The following VPS13D variants were observed in gnomAD, a reference collection of about 807,000 sequenced individuals.
The protein encoded by VPS13D is intermembrane lipid transfer protein VPS13D.
Under a neutral mutation model 461.9 loss-of-function variants are expected in VPS13D, and 187 were observed. That is an observed-to-expected ratio of 0.40 (90% CI 0.36 to 0.46). The LOEUF is 0.46. Ranked by LOEUF, VPS13D falls within the 20% of genes least tolerant of loss-of-function variation. The pLI, the probability that VPS13D is intolerant of heterozygous loss-of-function variation, is 0.60. For missense variants in VPS13D, 4,711 were observed against 5,364.9 expected (o/e 0.88, Z 3.81); for synonymous variants, 1,951 against 1,986.3 (o/e 0.98, Z 0.47).
At chr1:12,270,316 G>C (rs1641400193) in intron 16 of VPS13D, among the ~76,000 whole-genome samples, 1 of 151,788 alleles carries the variant, frequency 6.6e-6, no homozygotes, top group Non-Finnish European at 1.5e-5. Context: ...AATTAGCTGG[G>C]TGTGGTGGTG....
chr1:12,419,770 C>A (rs1644839793), intron 65 of VPS13D, among the ~76,000 whole-genome samples: 1 of 152,148 alleles, frequency 6.6e-6, no homozygotes, highest in Non-Finnish European at 1.5e-5. Flanking sequence ...GGGACAAACA[C>A]CATACTATAT....
chr1:12,255,581 T>A (rs1181234489), intron 7 of VPS13D, among the ~76,000 whole-genome samples: 1 of 151,642 alleles, frequency 6.6e-6, no homozygotes, highest in African/African-American at 2.4e-5. Flanking sequence ...TTTTAAACGA[T>A]GTGAGTGTAT....
At chr1:12,240,422 C>G (rs949348039) in intron 2 of VPS13D, among the ~76,000 whole-genome samples, 4 of 151,858 alleles carry the variant, frequency 2.6e-5, no homozygotes, top group Non-Finnish European at 5.9e-5. Context: ...TGGTGAAACC[C>G]TGTCTCTACT....
At position 12,369,651 on chromosome 1, in the gene VPS13D, A is replaced by G; in HGVS notation, c.10757A>G (p.Gln3586Arg). Residue 3586 changes from glutamine to arginine, a missense_variant, in exon 54 of 70, where the codon CAG (glutamine) becomes CGG (arginine). Coordinates refer to ENST00000620676, the MANE Select transcript of VPS13D (RefSeq NM_015378.4). Reference protein sequence around the residue: ...CNMNDFQDNRQLYYENFIYIA... With the variant: ...CNMNDFQDNRRLYYENFIYIA... The stretch of plus-strand genomic sequence containing the variant: ...ATGAATGATTTCCAGGATAATCGGC[A>G]GCTTTATTATGAAAATTTCATTTAC... The G allele has an allele frequency of 6.2e-7, 1 of 1,614,224 alleles. No homozygotes were observed. The highest frequency in any genetic ancestry group is 8.5e-7 in the Non-Finnish European group (1 of 1,180,040).
At chr1:12,419,002 T>G (rs1447127605) in intron 65 of VPS13D, among the ~76,000 whole-genome samples, 4 of 152,140 alleles carry the variant, frequency 2.6e-5, no homozygotes, top group Non-Finnish European at 1.5e-5. Flanking sequence ...TTATTCTCCT[T>G]GGTTTGTGGA....
intron 5 of VPS13D, among the ~76,000 whole-genome samples, chr1:12,246,870 T>C (rs1640567418): frequency 1.3e-5 from 2 of 152,228 alleles, no homozygotes; most frequent in Non-Finnish European, 2.9e-5. Context: ...ATTTTGTTTA[T>C]TCATTCATGA....
chr1:12,404,999 C>A (rs1371941727), intron 63 of VPS13D, among the ~76,000 whole-genome samples: 1 of 152,230 alleles, frequency 6.6e-6, no homozygotes, highest in Non-Finnish European at 1.5e-5. Flanking sequence ...CTCTAAGATG[C>A]TACAAGATAG....
At chr1:12,456,636 C>CAAAAAAAAAA (rs367987300) in intron 66 of VPS13D, among the ~76,000 whole-genome samples, 5 of 83,674 alleles carry the variant, frequency 6.0e-5, no homozygotes, top group African/African-American at 1.4e-4. Flanking sequence ...GACTCCAATT[C>CAAAAAAAAAA]AAAAAAAAAA....
At chr1:12,499,437 C>G (rs1395412552) in intron 68 of VPS13D, 1 of 985,082 alleles carries the variant, frequency 1.0e-6, no homozygotes, top group Non-Finnish European at 1.2e-6. Flanking sequence ...CACCTCTATT[C>G]AAGTCGAACT....
chr1:12,247,447 G>C (rs1377427350), intron 5 of VPS13D, among the ~76,000 whole-genome samples: 3 of 147,776 alleles, frequency 2.0e-5, no homozygotes, highest in African/African-American at 7.5e-5. Context: ...GAAATGGTGA[G>C]ATAGCATTCT....
At chr1:12,249,381 C>T (rs868298771) in intron 6 of VPS13D, 42 bp downstream of exon 6, 1 of 1,510,912 alleles carries the variant, frequency 6.6e-7, no homozygotes. Context: ...GAAAGCCATG[C>T]TCTAGGAATC....
At chr1:12,236,541 C>T (rs563672557) in intron 2 of VPS13D, among the ~76,000 whole-genome samples, 3 of 152,104 alleles carry the variant, frequency 2.0e-5, no homozygotes, top group South Asian at 2.1e-4. Flanking sequence ...CCACCACGCC[C>T]GGCTAATTTT....
chr1:12,491,684 T>C (rs1194965084), intron 67 of VPS13D, among the ~76,000 whole-genome samples: 1 of 152,208 alleles, frequency 6.6e-6, no homozygotes, highest in East Asian at 1.9e-4. Context: ...ATATCTGCAG[T>C]GTATCAGCCA....
At chr1:12,400,466 T>G (rs572362489) in intron 61 of VPS13D, 136 bp downstream of exon 61, 1 of 1,088,592 alleles carries the variant, frequency 9.2e-7, no homozygotes, top group African/African-American at 1.6e-5. Flanking sequence ...TGTGACATAA[T>G]AGATTGTTTG....
chr1:12,272,005 A>G (rs1026708366), intron 17 of VPS13D, among the ~76,000 whole-genome samples: 2 of 152,206 alleles, frequency 1.3e-5, no homozygotes, highest in Non-Finnish European at 2.9e-5. Flanking sequence ...CAGCCTGGGC[A>G]ACATAGTGAG....
chr1:12,460,484 C>T (rs1645395092), intron 67 of VPS13D, 88 bp downstream of exon 67: 5 of 1,220,262 alleles, frequency 4.1e-6, no homozygotes, highest in Non-Finnish European at 5.3e-6. Context: ...TAATTGTGCA[C>T]TTTCTTAGTT....
intron 68 of VPS13D, among the ~76,000 whole-genome samples, chr1:12,501,376 T>C (rs1313204408): frequency 6.6e-6 from 1 of 152,238 alleles, no homozygotes; most frequent in African/African-American, 2.4e-5. Context: ...AATAATGTAC[T>C]AGTAACTGTT....
chr1:12,506,125 G>T (rs995617840), intron 68 of VPS13D, among the ~76,000 whole-genome samples: 3 of 152,204 alleles, frequency 2.0e-5, no homozygotes, highest in Non-Finnish European at 4.4e-5. Context: ...AGGCAGCCAG[G>T]CCCGGGAGAA....
chr1:12,459,535 A>ATGCTGCG (rs1645379142), intron 66 of VPS13D, among the ~76,000 whole-genome samples: 1 of 149,420 alleles, frequency 6.7e-6, no homozygotes, highest in African/African-American at 2.5e-5. Flanking sequence ...CTGGAGTGCA[A>ATGCTGCG]TGCTGCGATC....
Sources: allele counts gnomAD v4.1 joint callset (sites outside exome capture counted in the v4.1 genomes callset), GRCh38; gene constraint gnomAD v4.1.1; transcripts MANE v1.5; gene names NCBI Gene and HGNC (gene_info 2026-07-23, HGNC 2026-07-21).